NEDD9: variants seen among roughly 807,000 people sequenced by gnomAD.
The protein encoded by NEDD9 is neural precursor cell expressed, developmentally down-regulated 9.
Under a neutral mutation model 76.6 loss-of-function variants are expected in NEDD9, and 26 were observed. The ratio of observed to expected loss-of-function variants is 0.34; its 90% confidence interval spans 0.25 to 0.47. The LOEUF is 0.47. NEDD9 is among the 20% of genes least tolerant of loss of function. NEDD9 has a pLI of 1.00. For synonymous variants in NEDD9, 392 were observed against 414.2 expected, an observed-to-expected ratio of 0.95 and a Z score of 0.65; for missense variants, 937 against 1,058.5, an observed-to-expected ratio of 0.89 and a Z score of 1.59.
chr6:11,356,414 G>A (rs1762576459), intron 1 of NEDD9, among the ~76,000 whole-genome samples: 1 of 152,192 alleles, frequency 6.6e-6, no homozygotes, highest in Non-Finnish European at 1.5e-5. Flanking sequence ...ATTCACAAAT[G>A]TCGGTATGCT....
chr6:11,187,536 G>T (rs1758009444), intron 6 of NEDD9, among the ~76,000 whole-genome samples: 1 of 151,974 alleles, frequency 6.6e-6, no homozygotes, highest in East Asian at 1.9e-4. Flanking sequence ...AAATAGCGAG[G>T]TAGAGACAGA....
At chr6:11,332,666 C>A (rs1458594237) in intron 2 of NEDD9, among the ~76,000 whole-genome samples, 1 of 152,212 alleles carries the variant, frequency 6.6e-6, no homozygotes, top group Non-Finnish European at 1.5e-5. Context: ...GACCTCCCAA[C>A]TAACCTGTGA....
chr6:11,260,575 G>C (rs1046626823), intron 3 of NEDD9, among the ~76,000 whole-genome samples: 2 of 152,334 alleles, frequency 1.3e-5, no homozygotes, highest in African/African-American at 4.8e-5. Flanking sequence ...TGAAGAAGGT[G>C]ATGACTTCTC....
At chr6:11,354,420 G>A (rs1261497799) in intron 1 of NEDD9, among the ~76,000 whole-genome samples, 1 of 152,170 alleles carries the variant, frequency 6.6e-6, no homozygotes, top group Non-Finnish European at 1.5e-5. Context: ...TCAGCTAAAT[G>A]TGGTGCGTGT....
intron 1 of NEDD9, among the ~76,000 whole-genome samples, chr6:11,365,259 C>T (rs1203299935): frequency 6.6e-6 from 1 of 152,168 alleles, no homozygotes; most frequent in Non-Finnish European, 1.5e-5. Flanking sequence ...GTGACCCCAA[C>T]ATTCCATAGA....
chr6:11,224,636 T>A (rs61167633), intron 1 of NEDD9, among the ~76,000 whole-genome samples: 4 of 117,050 alleles, frequency 3.4e-5, no homozygotes, highest in African/African-American at 2.3e-4. Context: ...AAAAAAAAAA[T>A]CTCATCGACA....
chr6:11,336,376 C>T (rs1762161862), intron 1 of NEDD9, among the ~76,000 whole-genome samples: 1 of 152,208 alleles, frequency 6.6e-6, no homozygotes, highest in African/African-American at 2.4e-5. Flanking sequence ...TTGGTCTAGC[C>T]TATTGCTCCT....
chr6:11,309,911 G>A (rs1039833886), intron 2 of NEDD9, among the ~76,000 whole-genome samples: 1 of 152,134 alleles, frequency 6.6e-6, no homozygotes, highest in Admixed American at 6.5e-5. Context: ...AGTCTTAGAA[G>A]ATTACAGCAA....
In NEDD9 at chr6:11,291,267, G is replaced by GTTTTTTTTTTTTTTTT. The variant is rs869185428; in HGVS notation, c.12+14709_12+14724dup. Among the ~76,000 whole-genome samples, 32 of 95,830 alleles carry GTTTTTTTTTTTTTTTT rather than the reference G, an allele frequency of 3.3e-4. 1 individual carries two copies. The highest frequency in any genetic ancestry group is 2.0e-3 in the East Asian group (6 of 3,024). The allele number at this position is 95,830 out of a possible 152,430, so 62.9% of individuals were successfully genotyped here. ...GAGCACAGGGCAGAAATAGAATGAG[G>GTTTTTTTTTTTTTTTT]TTTTTTTTTTTTTTTTTTTTTTTTT... On this transcript the variant is annotated intron_variant, in intron 3 of 3. Transcript: ENST00000397378.
intron 6 of NEDD9, 86 bp from the exon 7 acceptor site, chr6:11,185,757 G>A (rs553204630): frequency 2.7e-6 from 4 of 1,507,574 alleles, no homozygotes; most frequent in Admixed American, 1.9e-5. Flanking sequence ...TAAAAGACAG[G>A]GATTTTAGTC....
intron 1 of NEDD9, among the ~76,000 whole-genome samples, chr6:11,381,146 A>G (rs1387879694): frequency 6.6e-6 from 1 of 152,238 alleles, no homozygotes; most frequent in Non-Finnish European, 1.5e-5. Context: ...GAAAGTAACC[A>G]AGCTTGGAAG....
intron 3 of NEDD9, among the ~76,000 whole-genome samples, chr6:11,275,083 T>G (rs1760389161): frequency 6.6e-6 from 1 of 152,228 alleles, no homozygotes; most frequent in Admixed American, 6.5e-5. Flanking sequence ...AAGGCCATCT[T>G]GGCATTTGTG....
In NEDD9 at chr6:11,185,100, G is replaced by A. The variant is rs1020842797; in HGVS notation, c.*62C>T. The stretch of plus-strand genomic sequence containing the variant: ...AAATAGATAACATTTACAAAAACCA[G>A]ACAGTATTTCCAGTTTTCCTTAGTA... On this transcript the variant is annotated 3_prime_UTR_variant, in exon 7 of 7. Coordinates refer to ENST00000379446, the MANE Select transcript of NEDD9 (RefSeq NM_006403.4). The A allele has an allele frequency of 4.0e-6, 6 of 1,498,870 alleles. No individual in the cohort carries two copies. Among genetic ancestry groups the A allele is most frequent in the Non-Finnish European group, 4.5e-6 (5 of 1,115,856 alleles). 92.8% of individuals were successfully genotyped at this position (1,498,870 alleles called of 1,614,324 possible). A position where few individuals can be genotyped will look rare whatever the true frequency, so the allele number is the denominator to read the frequency against.
chr6:11,360,223 T>C (rs1453000675), intron 1 of NEDD9, among the ~76,000 whole-genome samples: 1 of 152,078 alleles, frequency 6.6e-6, no homozygotes, highest in African/African-American at 2.4e-5. Flanking sequence ...TAAACCCCCA[T>C]TAGGGTGAAG....
intron 1 of NEDD9, among the ~76,000 whole-genome samples, chr6:11,362,804 A>T (rs1194440525): frequency 6.6e-6 from 1 of 152,266 alleles, no homozygotes; most frequent in Non-Finnish European, 1.5e-5. Context: ...TTTAATAAAC[A>T]GTCACCATGT....
intron 2 of NEDD9, among the ~76,000 whole-genome samples, chr6:11,325,354 CAAA>C (rs34414648): frequency 2.2e-5 from 2 of 92,618 alleles, no homozygotes; most frequent in Non-Finnish European, 5.0e-5. Context: ...GACTCTGTCT[CAAA>C]AAAAAAAAAA....
chr6:11,313,239 AATAG>A (rs1761429732), intron 2 of NEDD9, among the ~76,000 whole-genome samples: 1 of 151,172 alleles, frequency 6.6e-6, no homozygotes, highest in East Asian at 2.0e-4. Flanking sequence ...TGGATAAATG[AATAG>A]ATAGATGGTG....
At chr6:11,376,049 C>T (rs994946583) in intron 1 of NEDD9, among the ~76,000 whole-genome samples, 27 of 152,340 alleles carry the variant, frequency 1.8e-4, no homozygotes, top group African/African-American at 6.0e-4. Context: ...TGGTCTCGAT[C>T]TCCTGACCTC....
chr6:11,344,303 C>G (rs1762327325), intron 1 of NEDD9, among the ~76,000 whole-genome samples: 1 of 152,132 alleles, frequency 6.6e-6, no homozygotes, highest in Admixed American at 6.5e-5. Flanking sequence ...TTCACCTGGT[C>G]CACTCTGTTG....
Sources: allele counts gnomAD v4.1 joint callset (sites outside exome capture counted in the v4.1 genomes callset), GRCh38; gene constraint gnomAD v4.1.1; transcripts MANE v1.5; gene names NCBI Gene and HGNC (gene_info 2026-07-23, HGNC 2026-07-21).